The following ZNF493 variants were observed in gnomAD, a reference collection of about 807,000 sequenced individuals.
The protein encoded by ZNF493 is zinc finger protein 493.
Under a neutral mutation model 12.2 loss-of-function variants are expected in ZNF493, and 11 were observed. The ratio of observed to expected loss-of-function variants is 0.90; its 90% CI spans 0.57 to 1.50. ZNF493 has a LOEUF of 1.50. ZNF493 is among the 40% of genes most tolerant of loss of function. The probability of loss-of-function intolerance (pLI) is 0.00; values close to 1 mark genes in which losing one functional copy is unlikely to be tolerated. For synonymous variants in ZNF493, 286 were observed against 302.6 expected (o/e 0.95, Z 0.57); for missense variants, 950 against 906.6 (o/e 1.05, Z -0.61).
intron 3 of ZNF493, among the ~76,000 whole-genome samples, chr19:21,411,020 C>T (rs1371050411): frequency 6.6e-6 from 1 of 152,068 alleles, no homozygotes. Context: ...GAACTCCTGA[C>T]CTCAGGTGAT....
chr19:21,397,912 G>A (rs1286269900), intron 1 of ZNF493: 2 of 152,630 alleles, frequency 1.3e-5, no homozygotes, highest in Non-Finnish European at 2.9e-5. Flanking sequence ...GCAGTTTACA[G>A]TTGCTGAAGC....
At chr19:21,400,014 T>C (rs188220568) in intron 1 of ZNF493, among the ~76,000 whole-genome samples, 63 of 152,338 alleles carry the variant, frequency 4.1e-4, no homozygotes, top group Admixed American at 3.9e-3. Flanking sequence ...AGTGTTTTCA[T>C]ATGACTCATT....
In ZNF493 at chr19:21,423,032, G is replaced by A; in HGVS notation, c.373G>A (p.Gly125Arg). ...ACATAAGGATTTACAGTTAAGAAAA[G>A]GATGTAAAAGTATGAATGAGTGTAA... is the stretch of plus-strand genomic sequence containing the variant. Reference protein sequence around the residue: ...CGHKDLQLRKGCKSMNECNVH... With the variant: ...CGHKDLQLRKRCKSMNECNVH... Residue 125 changes from glycine to arginine, a missense_variant, in exon 4 of 4, where the codon GGA (glycine) becomes AGA (arginine). Transcript: ENST00000392288. The A allele has an allele frequency of 6.2e-7, 1 of 1,613,240 alleles. No homozygotes were observed. Among genetic ancestry groups the A allele is most frequent in the African/African-American group, 1.3e-5 (1 of 75,004 alleles).
intron 3 of ZNF493, chr19:21,407,611 A>G (rs925667291): frequency 2.7e-5 from 26 of 978,980 alleles, no homozygotes; most frequent in South Asian, 2.4e-4. Context: ...TTTTATTTCT[A>G]TTGTATCCAA....
At chr19:21,406,853 G>A (rs938388601) in intron 3 of ZNF493, among the ~76,000 whole-genome samples, 2 of 151,676 alleles carry the variant, frequency 1.3e-5, no homozygotes, top group Non-Finnish European at 2.9e-5. Context: ...TTGATAGGTC[G>A]TTTGCTGAAT....
Position 21,424,273 on chromosome 19 carries a change from T to G in ZNF493, c.1614T>G (p.Ile538Met), listed in dbSNP as rs777866034. 1 of 1,612,494 alleles carries G rather than the reference T, an allele frequency of 6.2e-7. No individual in the cohort carries two copies. Among genetic ancestry groups the G allele is most frequent in the Non-Finnish European group, 8.5e-7 (1 of 1,178,962 alleles). ...CAACCCTTACTATACATAAAATGATTCACACTGGAGAAAAACCCTACAAAT... is the reference window on the plus strand; with the variant it reads ...CAACCCTTACTATACATAAAATGATGCACACTGGAGAAAAACCCTACAAAT... The part of the protein sequence containing the change: ...RSSTLTIHKM[I>M]HTGEKPYKCE... Residue 538 changes from isoleucine (I) to methionine (M), a missense_variant, in exon 4 of 4, where the codon ATT becomes ATG. Transcript: ENST00000392288.
intron 3 of ZNF493, among the ~76,000 whole-genome samples, chr19:21,416,565 A>G (rs188215536): frequency 2.7e-4 from 41 of 152,316 alleles, no homozygotes; most frequent in African/African-American, 9.1e-4. Flanking sequence ...TGACTCCTGT[A>G]TCTACCAAAC....
chr19:21,422,827 T>C (rs1391917120), intron 3 of ZNF493, 86 bp from the exon 4 acceptor site: 2 of 1,223,306 alleles, frequency 1.6e-6, no homozygotes, highest in East Asian at 2.5e-5. Context: ...GTTTATGCAG[T>C]TTGTATAATA....
intron 3 of ZNF493, among the ~76,000 whole-genome samples, chr19:21,420,789 GT>G (rs2030654078): frequency 9.2e-6 from 1 of 108,416 alleles, no homozygotes; most frequent in Non-Finnish European, 1.9e-5. Context: ...TTTTGCTATT[GT>G]TGCCCAGGCT....
chr19:21,398,519 G>C, intron 1 of ZNF493: 4 of 314,612 alleles, frequency 1.3e-5, no homozygotes, highest in South Asian at 1.0e-4. Flanking sequence ...ATGGGTTTCA[G>C]TACTATCTGG....
intron 1 of ZNF493, among the ~76,000 whole-genome samples, chr19:21,400,215 T>G (rs1292993385): frequency 2.0e-5 from 3 of 152,050 alleles, no homozygotes; most frequent in Admixed American, 1.3e-4. Context: ...ATCAAGACCA[T>G]CCTGACCAAC....
At chr19:21,400,449 A>T (rs927981747) in intron 1 of ZNF493, among the ~76,000 whole-genome samples, 3 of 152,028 alleles carry the variant, frequency 2.0e-5, no homozygotes, top group African/African-American at 2.4e-5. Flanking sequence ...TTTTTCCCGT[A>T]TGTGAACACT....
chr19:21,425,984 A>T lies in ZNF493; in HGVS notation c.*1000A>T. 1.5e-6 allele frequency: 1 copy of T among 650,206 alleles called. No homozygotes were observed. The highest frequency in any genetic ancestry group is 2.7e-6 in the Non-Finnish European group (1 of 372,392). The allele number at this position is 650,206 out of a possible 1,614,324, so 40.3% of individuals were successfully genotyped here. On this transcript the variant is annotated 3_prime_UTR_variant, in exon 4 of 4. Coordinates refer to ENST00000392288, the MANE Select transcript of ZNF493 (RefSeq NM_001076678.3). Reference sequence around the variant, plus strand: ...CTTTAACCAGTCCTCAATTTTTACTAAACATAAGAAAATTCATACTGGAGA... The same window carrying T: ...CTTTAACCAGTCCTCAATTTTTACTTAACATAAGAAAATTCATACTGGAGA...
At chr19:21,410,999 A>C (rs1568379730) in intron 3 of ZNF493, among the ~76,000 whole-genome samples, 1 of 152,066 alleles carries the variant, frequency 6.6e-6, no homozygotes, top group East Asian at 1.9e-4. Context: ...CATGTTGGTC[A>C]GGCTGGTCTG....
intron 3 of ZNF493, among the ~76,000 whole-genome samples, chr19:21,411,715 A>G (rs1023718241): frequency 3.4e-5 from 5 of 146,100 alleles, no homozygotes; most frequent in African/African-American, 1.2e-4. Flanking sequence ...GTGAGACTCC[A>G]TCTCAAAAAA....
chr19:21,412,830 CT>C, intron 3 of ZNF493: 1 of 328,500 alleles, frequency 3.0e-6, no homozygotes. Context: ...TTTCTAGATG[CT>C]TTTTTATTCT....
chr19:21,406,291 T>G (rs1414123498), intron 3 of ZNF493, among the ~76,000 whole-genome samples: 1 of 152,064 alleles, frequency 6.6e-6, no homozygotes, highest in Non-Finnish European at 1.5e-5. Context: ...TCCTGCTGAT[T>G]TGGGAAGCTA....
chr19:21,399,054 C>G (rs949765671), intron 1 of ZNF493: 4 of 152,908 alleles, frequency 2.6e-5, no homozygotes, highest in Non-Finnish European at 4.4e-5. Flanking sequence ...ATGGGTGGTT[C>G]TTGAGCACAC....
At chr19:21,404,225 C>T (rs2030041605) in intron 1 of ZNF493, among the ~76,000 whole-genome samples, 2 of 152,294 alleles carry the variant, frequency 1.3e-5, no homozygotes, top group African/African-American at 4.8e-5. Context: ...TAGAAGATAT[C>T]TGCATTTTGA....
Sources: allele counts gnomAD v4.1 joint callset (sites outside exome capture counted in the v4.1 genomes callset), GRCh38; gene constraint gnomAD v4.1.1; transcripts MANE v1.5; gene names NCBI Gene and HGNC (gene_info 2026-07-23, HGNC 2026-07-21).